SYNE1: variants seen among roughly 807,000 people sequenced by gnomAD.
The protein encoded by SYNE1 is spectrin repeat containing nuclear envelope protein 1.
In SYNE1, 616 loss-of-function variants were observed where a neutral mutation model predicts 1,111.0. The observed-to-expected ratio is 0.55, with a 90% CI of 0.52 to 0.59. The LOEUF is 0.59. SYNE1 is among the 20% of genes least tolerant of loss of function. SYNE1 has a pLI of 0.00. For missense variants in SYNE1, 10,006 were observed against 10,417.0 expected (o/e 0.96, Z 1.72); for synonymous variants, 3,855 against 3,825.8 (o/e 1.01, Z -0.28).
intron 39 of SYNE1, among the ~76,000 whole-genome samples, chr6:152,420,165 G>C (rs2098233554): frequency 6.6e-6 from 1 of 152,142 alleles, no homozygotes; most frequent in African/African-American, 2.4e-5. Flanking sequence ...GTCATCCATA[G>C]ACAATTATTA....
intron 4 of SYNE1, among the ~76,000 whole-genome samples, chr6:152,530,556 C>CA (rs1372863313): frequency 7.1e-6 from 1 of 141,378 alleles, no homozygotes; most frequent in African/African-American, 2.6e-5. Flanking sequence ...AAATGTTAAA[C>CA]AAAAAATTCC....
rs774046000 is a variant in SYNE1 at position 152,221,565 on chromosome 6, C to G, written c.21523-6G>C. ...TCCAGATCATCTTGGAGATTCTGCC[C>G]CAAAAAAAAGACCCATAGATGACAT... On this transcript the variant is annotated splice_polypyrimidine_tract_variant and splice_region_variant and intron_variant, in intron 117 of 145. Coordinates refer to ENST00000367255, the MANE Select transcript of SYNE1 (RefSeq NM_182961.4). 1.5e-5 allele frequency: 25 copies of G among 1,612,930 alleles called. No homozygotes were observed. In the South Asian group the frequency reaches 2.1e-4, roughly 13 times the overall value.
chr6:152,280,970 A>T (rs1376290666), intron 97 of SYNE1, among the ~76,000 whole-genome samples: 1 of 152,184 alleles, frequency 6.6e-6, no homozygotes, highest in Non-Finnish European at 1.5e-5. Flanking sequence ...GAAAAAAGTT[A>T]GTGTGCACTA....
intron 41 of SYNE1, among the ~76,000 whole-genome samples, chr6:152,414,708 G>A (rs965781220): frequency 6.6e-6 from 1 of 152,134 alleles, no homozygotes; most frequent in Non-Finnish European, 1.5e-5. Context: ...GGGTACTGAT[G>A]TGGCTCCTGA....
intron 2 of SYNE1, among the ~76,000 whole-genome samples, chr6:152,635,810 T>C (rs932502851): frequency 6.6e-6 from 1 of 152,224 alleles, no homozygotes; most frequent in Non-Finnish European, 1.5e-5. Context: ...CATTGTGGGA[T>C]GCTAAGGCTT....
chr6:152,559,254 T>C (rs1035959858), intron 3 of SYNE1, among the ~76,000 whole-genome samples: 2 of 152,012 alleles, frequency 1.3e-5, no homozygotes, highest in African/African-American at 2.4e-5. Flanking sequence ...AGTGCCACAA[T>C]GCCCAGCTAA....
chr6:152,219,334 C>A, intron 119 of SYNE1, 149 bp from the exon 120 acceptor site: 1 of 789,956 alleles, frequency 1.3e-6, no homozygotes, highest in South Asian at 1.4e-5. Flanking sequence ...GAAAAATGAA[C>A]ACGCACTGAA....
In SYNE1 at chr6:152,559,699, A is replaced by G. The variant is rs77314849; in HGVS notation, c.68-19678T>C. Among the ~76,000 whole-genome samples, 27 of 152,238 alleles carry G rather than the reference A, an allele frequency of 1.8e-4. No homozygotes were observed. The East Asian group carries it at 5.2e-3, about 30-fold the overall frequency. ...TTTAAAAAAAGAAAGATTTTAAGCA[A>G]CCTAATTTTATACCTCAAGGAGCTA... is the stretch of plus-strand genomic sequence containing the variant. On this transcript the variant is annotated intron_variant, in intron 3 of 145. Coordinates refer to ENST00000367255, the MANE Select transcript of SYNE1 (RefSeq NM_182961.4).
intron 91 of SYNE1, 82 bp from the exon 92 acceptor site, chr6:152,302,145 C>T: frequency 4.5e-6 from 7 of 1,563,550 alleles, no homozygotes; most frequent in Non-Finnish European, 6.1e-6. Flanking sequence ...TCCTGCAGGG[C>T]GAGCCAATGA....
chr6:152,316,883 G>C lies in SYNE1; in HGVS notation c.16676C>G (p.Ala5559Gly). 1.2e-6 allele frequency: 2 copies of C among 1,614,152 alleles called. No individual in the cohort carries two copies. Among genetic ancestry groups the C allele is most frequent in the Non-Finnish European group, 1.7e-6 (2 of 1,180,032 alleles). ...AATATATTGTTCCCGAAGCTGGCTT[G>C]CAGAATTCCATGCAATAGTTCCATG... is the stretch of plus-strand genomic sequence containing the variant. ...LAHGTIAWNS[A>G]SQLREQYILH... The change falls in exon 87 of 146, where the codon GCA becomes GGA. Residue 5559 changes from alanine (A) to glycine (G), a missense_variant. Around this residue, in one of 7 missense-constraint regions of SYNE1, gnomAD observed 4,955 missense variants for 5,017.2 expected, o/e 0.99. Transcript: ENST00000367255.
At chr6:152,520,599 G>C in intron 5 of SYNE1, 57 bp from the exon 6 acceptor site, 1 of 1,554,482 alleles carries the variant, frequency 6.4e-7, no homozygotes. Context: ...TAAAATGTTA[G>C]TTATAAGATC....
intron 9 of SYNE1, among the ~76,000 whole-genome samples, chr6:152,504,181 T>C (rs2099044979): frequency 6.6e-6 from 1 of 152,204 alleles, no homozygotes; most frequent in Admixed American, 6.5e-5. Flanking sequence ...ATATGTGTTT[T>C]TCCCTTGATT....
chr6:152,530,055 C>T (rs2099188598), intron 4 of SYNE1, among the ~76,000 whole-genome samples: 1 of 152,140 alleles, frequency 6.6e-6, no homozygotes, highest in Non-Finnish European at 1.5e-5. Flanking sequence ...AGGTCTCAGG[C>T]ATAGAAAACC....
intron 3 of SYNE1, among the ~76,000 whole-genome samples, chr6:152,555,530 A>T (rs2128177917): frequency 6.6e-6 from 1 of 152,308 alleles, no homozygotes; most frequent in East Asian, 1.9e-4. Flanking sequence ...ATGTACGCAC[A>T]ATGACAAAAC....
intron 6 of SYNE1, among the ~76,000 whole-genome samples, chr6:152,516,433 G>T (rs911736248): frequency 5.3e-5 from 8 of 152,172 alleles, no homozygotes; most frequent in Non-Finnish European, 1.2e-4. Context: ...CATAGGTGAA[G>T]TTGTTAAAGT....
chr6:152,599,175 A>T (rs558924140), intron 3 of SYNE1, among the ~76,000 whole-genome samples: 8 of 152,346 alleles, frequency 5.3e-5, no homozygotes, highest in Non-Finnish European at 8.8e-5. Context: ...CAGCCCCTTG[A>T]GTCCTCAAAT....
At chr6:152,304,084 A>G (rs2095298537) in intron 91 of SYNE1, among the ~76,000 whole-genome samples, 1 of 152,242 alleles carries the variant, frequency 6.6e-6, no homozygotes, top group African/African-American at 2.4e-5. Flanking sequence ...AGTAGACATC[A>G]TTGCTTCTTT....
intron 5 of SYNE1, among the ~76,000 whole-genome samples, chr6:152,521,125 A>T (rs1239576927): frequency 6.6e-6 from 1 of 152,158 alleles, no homozygotes; most frequent in Non-Finnish European, 1.5e-5. Flanking sequence ...TTTTAATTTT[A>T]TATGAAGAGC....
At chr6:152,257,004 T>C (rs1405385355) in intron 101 of SYNE1, among the ~76,000 whole-genome samples, 5 of 151,584 alleles carry the variant, frequency 3.3e-5, no homozygotes, top group Non-Finnish European at 7.4e-5. Flanking sequence ...GTCTGACAGA[T>C]AGGAGGAATA....
Sources: gnomAD v4.1 joint callset for allele counts (sites outside exome capture counted in the v4.1 genomes callset) on GRCh38, gnomAD v4.1.1 for gene constraint, gnomAD v4.1.1 regional missense constraint, MANE v1.5 for transcripts, NCBI Gene and HGNC (gene_info 2026-07-23, HGNC 2026-07-21) for gene names.